Variants in FAM204A observed in about 807,000 individuals in gnomAD.
FAM204A encodes the protein protein FAM204A.
In FAM204A, 16 loss-of-function variants were observed where a neutral mutation model predicts 35.4. The ratio of observed to expected loss-of-function variants is 0.45; its 90% CI spans 0.31 to 0.69. The LOEUF is 0.69. Ranked by LOEUF, FAM204A falls within the 30% of genes least tolerant of loss-of-function variation. The pLI is 0.07. For missense variants in FAM204A, 240 were observed against 265.7 expected, an observed-to-expected ratio of 0.90 and a Z score of 0.67; for synonymous variants, 76 against 86.9, an observed-to-expected ratio of 0.88 and a Z score of 0.70.
At chr10:118,329,824 T>C (rs1473202774) in intron 6 of FAM204A, among the ~76,000 whole-genome samples, 1 of 152,204 alleles carries the variant, frequency 6.6e-6, no homozygotes, top group East Asian at 1.9e-4. Flanking sequence ...CATCCATGTT[T>C]GCATTCATAG....
chr10:118,336,128 A>G, intron 3 of FAM204A, 54 bp downstream of exon 3: 2 of 1,575,126 alleles, frequency 1.3e-6, no homozygotes, highest in South Asian at 2.4e-5. Context: ...AGAGACACAC[A>G]GAGGCATGTG....
intron 6 of FAM204A, among the ~76,000 whole-genome samples, chr10:118,331,215 AG>A: frequency 6.6e-6 from 1 of 152,290 alleles, no homozygotes; most frequent in Admixed American, 6.5e-5. Flanking sequence ...AAAAGTTTTA[AG>A]CTGGACTCAA....
In FAM204A at chr10:118,303,270, T is replaced by C. The variant is rs1315423973; in HGVS notation, c.*7587A>G. On this transcript the variant is annotated 3_prime_UTR_variant, in exon 9 of 9. Coordinates refer to ENST00000369183, the MANE Select transcript of FAM204A (RefSeq NM_022063.3). ...TTTCAATCTGCTAGACATTTATACA[T>C]ATGTAGAACCAAGATGTCCCTCCAA... is the stretch of plus-strand genomic sequence containing the variant. 1 of 152,230 alleles carries C rather than the reference T, an allele frequency of 6.6e-6. No homozygotes were observed. The highest frequency in any genetic ancestry group is 1.5e-5 in the Non-Finnish European group (1 of 68,040). The allele number at this position is 152,230 out of a possible 1,614,324, so 9.4% of individuals were successfully genotyped here. A position where few individuals can be genotyped will look rare whatever the true frequency, so the allele number is the denominator to read the frequency against.
chr10:118,309,505 T>G lies in FAM204A; in HGVS notation c.*1352A>C, dbSNP rs1845914216. 6.6e-6 allele frequency: 1 copy of G among 152,206 alleles called. No individual in the cohort carries two copies. Among genetic ancestry groups the G allele is most frequent in the African/African-American group, 2.4e-5 (1 of 41,442 alleles). 9.4% of individuals were successfully genotyped at this position (152,206 alleles called of 1,614,324 possible). On this transcript the variant is annotated 3_prime_UTR_variant, in exon 9 of 9. Coordinates refer to ENST00000369183, the MANE Select transcript of FAM204A (RefSeq NM_022063.3). ...TCTGACAACGACAGAAGAGGTGAAC[T>G]GACAAAAACCATGCTGAGTGGTTCT...
intron 7 of FAM204A, among the ~76,000 whole-genome samples, chr10:118,323,501 T>C (rs1308815374): frequency 1.1e-4 from 16 of 152,104 alleles, no homozygotes; most frequent in Non-Finnish European, 2.9e-5. Flanking sequence ...AGGTAGATAT[T>C]CAGACCAGAC....
At chr10:118,315,543 CTT>C (rs1274217923) in intron 7 of FAM204A, among the ~76,000 whole-genome samples, 1 of 152,128 alleles carries the variant, frequency 6.6e-6, no homozygotes, top group Non-Finnish European at 1.5e-5. Context: ...ATGCCATTCT[CTT>C]TTGTTCTTTA....
rs1162159429 is a variant in FAM204A, at chr10:118,298,109, C to G, written c.*12748G>C. 1 of 152,178 alleles carries G rather than the reference C, an allele frequency of 6.6e-6. No individual in the cohort carries two copies. The highest frequency in any genetic ancestry group is 2.4e-5 in the African/African-American group (1 of 41,428). 9.4% of individuals were successfully genotyped at this position (152,178 alleles called of 1,614,324 possible). On this transcript the variant is annotated 3_prime_UTR_variant, in exon 9 of 9. Transcript: ENST00000369183. Reference sequence around the variant, plus strand: ...CCTCTGGGCAGCACACTACTGCCATCTCCTTTATCTTAAATGTGTGTGGGA... The same window carrying G: ...CCTCTGGGCAGCACACTACTGCCATGTCCTTTATCTTAAATGTGTGTGGGA...
intron 6 of FAM204A, among the ~76,000 whole-genome samples, chr10:118,332,437 T>TACA (rs1358524470): frequency 1.3e-5 from 2 of 151,472 alleles, no homozygotes; most frequent in Non-Finnish European, 2.9e-5. Context: ...ATGGTACCAC[T>TACA]ACAACACTCC....
Position 118,304,434 on chromosome 10 carries a change from CT to C in FAM204A, c.*6422del, listed in dbSNP as rs1445034850. The C allele has an allele frequency of 6.6e-6, 1 of 152,386 alleles. No homozygotes were observed. Among genetic ancestry groups the C allele is most frequent in the East Asian group, 1.9e-4 (1 of 5,200 alleles). 9.4% of individuals were successfully genotyped at this position (152,386 alleles called of 1,614,324 possible). ...CATCACCATCCATAGACACCCAACT[CT>C]TCCCCGCACAAGTCCAATCTCCCCA... On this transcript the variant is annotated 3_prime_UTR_variant, in exon 9 of 9. Transcript: ENST00000369183.
At chr10:118,336,451 T>C in intron 2 of FAM204A, 28 bp from the exon 3 acceptor site, 3 of 1,559,610 alleles carry the variant, frequency 1.9e-6, no homozygotes, top group Middle Eastern at 3.4e-4. Flanking sequence ...AATTTACACA[T>C]GTAGAATAAC....
Position 118,309,011 on chromosome 10 carries a change from T to C in FAM204A, c.*1846A>G, listed in dbSNP as rs1269131027. 7 of 152,230 alleles carry C rather than the reference T, an allele frequency of 4.6e-5. No homozygotes were observed. The highest frequency in any genetic ancestry group is 5.9e-5 in the Non-Finnish European group (4 of 68,048). 9.4% of individuals were successfully genotyped at this position (152,230 alleles called of 1,614,324 possible). A position where few individuals can be genotyped will look rare whatever the true frequency, so the allele number is the denominator to read the frequency against. On this transcript the variant is annotated 3_prime_UTR_variant, in exon 9 of 9. Transcript: ENST00000369183. The stretch of plus-strand genomic sequence containing the variant: ...AGGATTTCAGACAAAACCACTGGAT[T>C]GTATAGTGAATATTTCCCCCATAAT...
intron 7 of FAM204A, among the ~76,000 whole-genome samples, chr10:118,315,594 C>T (rs988936799): frequency 5.9e-5 from 9 of 152,078 alleles, no homozygotes; most frequent in African/African-American, 1.9e-4. Context: ...TAAAGCGGAA[C>T]CATTACTGGA....
intron 6 of FAM204A, among the ~76,000 whole-genome samples, chr10:118,326,572 G>A (rs957805154): frequency 6.6e-6 from 1 of 152,188 alleles, no homozygotes; most frequent in Non-Finnish European, 1.5e-5. Context: ...TTACGTGGCA[G>A]ATTCTGGGCT....
At position 118,299,217 on chromosome 10, in the gene FAM204A, T is replaced by A. The variant is rs556344088; in HGVS notation, c.*11640A>T. The A allele has an allele frequency of 4.6e-5, 7 of 152,232 alleles. No homozygotes were observed. The highest frequency in any genetic ancestry group is 2.6e-4 in the Admixed American group (4 of 15,294). 9.4% of individuals were successfully genotyped at this position (152,232 alleles called of 1,614,324 possible). On this transcript the variant is annotated 3_prime_UTR_variant, in exon 9 of 9. Coordinates refer to ENST00000369183, the MANE Select transcript of FAM204A (RefSeq NM_022063.3). ...AAATCTATGGCTGAACTTTTCAGGT[T>A]CTTCCTTTGGGCAGTACTGCTTAAG...
At position 118,298,261 on chromosome 10, in the gene FAM204A, T is replaced by C. The variant is rs564415820; in HGVS notation, c.*12596A>G. Reference sequence around the variant, plus strand: ...AGCCAGACAGGAAATCCACTGGTATTTAAAAAGATAGGTTGTGTGCATGGT... The same window carrying C: ...AGCCAGACAGGAAATCCACTGGTATCTAAAAAGATAGGTTGTGTGCATGGT... On this transcript the variant is annotated 3_prime_UTR_variant, in exon 9 of 9. Transcript: ENST00000369183. The C allele has an allele frequency of 6.6e-6, 1 of 152,314 alleles. No individual in the cohort carries two copies. The highest frequency in any genetic ancestry group is 1.9e-4 in the East Asian group (1 of 5,188). 9.4% of individuals were successfully genotyped at this position (152,314 alleles called of 1,614,324 possible).
intron 7 of FAM204A, among the ~76,000 whole-genome samples, chr10:118,322,661 T>C (rs1174317470): frequency 6.6e-6 from 1 of 152,086 alleles, no homozygotes; most frequent in Non-Finnish European, 1.5e-5. Flanking sequence ...TAAATTTAAA[T>C]AAAGTATGTC....
At chr10:118,336,093 A>G in intron 3 of FAM204A, 89 bp downstream of exon 3, 1 of 1,457,284 alleles carries the variant, frequency 6.9e-7, no homozygotes, top group Non-Finnish European at 9.2e-7. Flanking sequence ...AAGTCCCAAG[A>G]ATACATGCAC....
At chr10:118,336,728 A>C (rs1169126595) in intron 2 of FAM204A, among the ~76,000 whole-genome samples, 1 of 152,066 alleles carries the variant, frequency 6.6e-6, no homozygotes, top group East Asian at 1.9e-4. Context: ...GTTTTGTCTA[A>C]AAAAAACATG....
chr10:118,312,093 G>A (rs1463715035), intron 7 of FAM204A, among the ~76,000 whole-genome samples: 1 of 152,214 alleles, frequency 6.6e-6, no homozygotes, highest in Admixed American at 6.5e-5. Context: ...CGCTCTGGCT[G>A]CAGAGCTGTT....
Sources: gnomAD v4.1 joint callset for allele counts (sites outside exome capture counted in the v4.1 genomes callset) on GRCh38, gnomAD v4.1.1 for gene constraint, MANE v1.5 for transcripts, NCBI Gene and HGNC (gene_info 2026-07-23, HGNC 2026-07-21) for gene names.